TMC7: variants seen among roughly 807,000 people sequenced by gnomAD.
TMC7 encodes the protein transmembrane channel-like protein 7.
A neutral mutation model predicts 82.9 loss-of-function variants in TMC7; 54 were observed. The observed-to-expected ratio is 0.65, with a 90% CI of 0.52 to 0.82. The LOEUF (loss-of-function observed/expected upper bound fraction) is 0.82. TMC7 is among the 40% of genes least tolerant of loss of function. The pLI, the probability that TMC7 is intolerant of heterozygous loss-of-function variation, is 0.00. For synonymous variants in TMC7, 350 were observed against 337.9 expected (o/e 1.04, Z -0.39); for missense variants, 820 against 901.2 (o/e 0.91, Z 1.15).
At chr16:18,990,455 C>T (rs530379439) in intron 1 of TMC7, among the ~76,000 whole-genome samples, 9 of 152,188 alleles carry the variant, frequency 5.9e-5, no homozygotes, top group East Asian at 3.9e-4. Flanking sequence ...CCACCATGCC[C>T]GGCTAATTTT....
chr16:18,986,950 A>G (rs919174943), intron 1 of TMC7, among the ~76,000 whole-genome samples: 91 of 151,888 alleles, frequency 6.0e-4, no homozygotes, highest in Non-Finnish European at 1.1e-3. Flanking sequence ...GACTACAGGC[A>G]TCCGCCACCA....
At chr16:18,988,372 C>G (rs2038890601) in intron 1 of TMC7, among the ~76,000 whole-genome samples, 1 of 151,846 alleles carries the variant, frequency 6.6e-6, no homozygotes, top group South Asian at 2.1e-4. Context: ...CCAGGCTGGT[C>G]TCGAACTCCT....
intron 1 of TMC7, among the ~76,000 whole-genome samples, chr16:19,004,546 A>G (rs1045378315): frequency 1.3e-5 from 2 of 151,946 alleles, no homozygotes; most frequent in African/African-American, 2.4e-5. Flanking sequence ...TCTAGTTTTA[A>G]TAGAGACGGG....
chr16:18,994,985 G>A lies in TMC7; in HGVS notation c.67+10855G>A, dbSNP rs547108498. Among the ~76,000 whole-genome samples the A allele has an allele frequency of 3.4e-5, 3 of 87,356 alleles. No individual in the cohort carries two copies. The South Asian group carries it at 1.2e-3, about 36-fold the overall frequency. The allele number at this position is 87,356 out of a possible 152,430, so 57.3% of individuals were successfully genotyped here. A position where few individuals can be genotyped will look rare whatever the true frequency, so the allele number is the denominator to read the frequency against. On this transcript the variant is annotated intron_variant, in intron 1 of 15. Coordinates refer to ENST00000304381, the MANE Select transcript of TMC7 (RefSeq NM_024847.4). Reference sequence around the variant, plus strand: ...AGGTGTCCTATACTTGTGGATTAAGGTGGGGAGATACAAGGAAAGGATGTG... The same window carrying A: ...AGGTGTCCTATACTTGTGGATTAAGATGGGGAGATACAAGGAAAGGATGTG...
At chr16:19,052,728 T>A (rs915713155) in intron 13 of TMC7, among the ~76,000 whole-genome samples, 1 of 151,672 alleles carries the variant, frequency 6.6e-6, no homozygotes, top group African/African-American at 2.4e-5. Flanking sequence ...TCTTTTTTTT[T>A]ATGAGACACG....
chr16:19,040,143 C>T (rs947461352), intron 8 of TMC7, 146 bp from the exon 9 acceptor site: 11 of 380,172 alleles, frequency 2.9e-5, no homozygotes, highest in East Asian at 1.5e-4. Context: ...AAAAAAGGAA[C>T]GAGATGACTT....
At chr16:19,034,276 G>C (rs187807783) in intron 6 of TMC7, among the ~76,000 whole-genome samples, 1 of 152,206 alleles carries the variant, frequency 6.6e-6, no homozygotes, top group East Asian at 1.9e-4. Flanking sequence ...TAAGATAATT[G>C]CAAGTTAGTG....
chr16:19,025,463 G>A (rs938441376), intron 5 of TMC7, among the ~76,000 whole-genome samples: 5 of 151,264 alleles, frequency 3.3e-5, no homozygotes, highest in Non-Finnish European at 7.4e-5. Flanking sequence ...TACTAAAAAT[G>A]CAAAAATTAT....
At chr16:18,994,155 T>C (rs11863216) in intron 1 of TMC7, among the ~76,000 whole-genome samples, 3,274 of 152,174 alleles carry the variant, frequency 0.022, 117 homozygotes, top group African/African-American at 0.075. Flanking sequence ...AGACTGAGTA[T>C]ACCTGAAGGA....
At chr16:18,993,716 G>A (rs1181350957) in intron 1 of TMC7, among the ~76,000 whole-genome samples, 1 of 152,212 alleles carries the variant, frequency 6.6e-6, no homozygotes, top group Non-Finnish European at 1.5e-5. Context: ...CCCTTGCATA[G>A]TGAGGACATT....
chr16:19,061,744 T>C (rs1188607125), intron 15 of TMC7, 34 bp from the exon 16 acceptor site: 1 of 1,584,762 alleles, frequency 6.3e-7, no homozygotes, highest in South Asian at 1.1e-5. Context: ...TTTCCAAATA[T>C]ATTAAATGTA....
chr16:19,056,405 C>T (rs1173117047), intron 13 of TMC7, 137 bp from the exon 14 acceptor site: 3 of 1,064,208 alleles, frequency 2.8e-6, no homozygotes, highest in East Asian at 5.1e-5. Context: ...ATTTTCGACT[C>T]AAACATTCCA....
chr16:19,015,594 G>A (rs1004216677), intron 2 of TMC7, among the ~76,000 whole-genome samples: 1 of 143,396 alleles, frequency 7.0e-6, no homozygotes, highest in South Asian at 2.2e-4. Context: ...TTTTGAGACC[G>A]AGTTTCACTC....
intron 5 of TMC7, among the ~76,000 whole-genome samples, chr16:19,030,008 G>GC (rs138006371): frequency 0.014 from 2,172 of 152,234 alleles, 57 homozygotes; most frequent in African/African-American, 0.05. Context: ...GAGCCACCTT[G>GC]CCCGGCCCAC....
chr16:19,019,403 C>CTCA (rs1959860821), intron 3 of TMC7, among the ~76,000 whole-genome samples: 1 of 152,180 alleles, frequency 6.6e-6, no homozygotes, highest in Non-Finnish European at 1.5e-5. Context: ...TAACCATGCA[C>CTCA]TCATACTTTT....
chr16:19,006,133 T>G (rs2039236077), intron 1 of TMC7, among the ~76,000 whole-genome samples: 1 of 152,166 alleles, frequency 6.6e-6, no homozygotes, highest in Admixed American at 6.5e-5. Context: ...TGTGATCCCC[T>G]TTAATGTTCA....
chr16:18,984,582 G>GT, intron 1 of TMC7: 4 of 970,512 alleles, frequency 4.1e-6, no homozygotes, highest in Non-Finnish European at 4.9e-6. Context: ...GGGACCTTTG[G>GT]TAAGTGGCTT....
In TMC7 at chr16:19,016,477, T is replaced by C; in HGVS notation, c.339T>C (p.Tyr113=). The change falls in exon 3 of 16, where the codon TAT becomes TAC. Residue 113 remains tyrosine (Y), a synonymous_variant. Transcript: ENST00000304381. ...ACATTCAAGAGACACAAATGAAGTATCTCTCCGAATGGGACCAGTGGAAGC... is the reference window on the plus strand; with the variant it reads ...ACATTCAAGAGACACAAATGAAGTACCTCTCCGAATGGGACCAGTGGAAGC... ...LRDIQETQMK[Y]LSEWDQWKRY... is the part of the protein sequence containing the mutation. 2 of 1,614,150 alleles carry C rather than the reference T, an allele frequency of 1.2e-6. No homozygotes were observed. The highest frequency in any genetic ancestry group is 8.5e-7 in the Non-Finnish European group (1 of 1,180,022).
intron 5 of TMC7, among the ~76,000 whole-genome samples, chr16:19,025,751 C>A (rs1960193311): frequency 6.6e-6 from 1 of 151,736 alleles, no homozygotes; most frequent in Non-Finnish European, 1.5e-5. Flanking sequence ...GAAAAAGCCC[C>A]CCACCCTTTT....
Sources: allele counts gnomAD v4.1 joint callset (sites outside exome capture counted in the v4.1 genomes callset), GRCh38; gene constraint gnomAD v4.1.1; transcripts MANE v1.5; gene names NCBI Gene and HGNC (gene_info 2026-07-23, HGNC 2026-07-21).